The following NWD1 variants were observed in gnomAD, a reference collection of about 807,000 sequenced individuals.
NWD1 encodes NACHT domain- and WD repeat-containing protein 1.
In NWD1, 129 loss-of-function variants were observed where a neutral mutation model predicts 135.1. That is an observed-to-expected ratio of 0.96 (90% confidence interval 0.83 to 1.11). NWD1 has a LOEUF of 1.11. Ranked by LOEUF, NWD1 falls within the 50% of genes least tolerant of loss-of-function variation. The pLI is 0.00. For missense variants in NWD1, 1,740 were observed against 1,851.3 expected (o/e 0.94, Z 1.10); for synonymous variants, 773 against 786.0 (o/e 0.98, Z 0.28).
At chr19:16,772,582 G>GT (rs1259417469) in intron 10 of NWD1, among the ~76,000 whole-genome samples, 1 of 152,122 alleles carries the variant, frequency 6.6e-6, no homozygotes, top group Non-Finnish European at 1.5e-5. Context: ...GGAGGTGCAG[G>GT]TTGCAGTGAG....
At chr19:16,738,283 C>G (rs1022713090) in intron 4 of NWD1, 2 of 445,044 alleles carry the variant, frequency 4.5e-6, no homozygotes, top group African/African-American at 2.0e-5. Flanking sequence ...AAGAAAAGTA[C>G]CATGGCCAGG....
Position 16,744,569 on chromosome 19 carries a change from C to G in NWD1, c.347C>G (p.Pro116Arg). 1 of 1,535,380 alleles carries G rather than the reference C, an allele frequency of 6.5e-7. No individual in the cohort carries two copies. The highest frequency in any genetic ancestry group is 8.7e-7 in the Non-Finnish European group (1 of 1,146,492). ...TTCCAGAGGGACGAGAATGCGTTTC[C>G]TCCCACCTACGTCCTGCAGGCACCA... ...RYFQRDENAF[P>R]PTYVLQAPGT... The change falls in exon 5 of 19, where the codon CCT (proline) becomes CGT (arginine). Residue 116 changes from proline to arginine, a missense_variant. Coordinates refer to ENST00000524140, the MANE Select transcript of NWD1 (RefSeq NM_001007525.5).
In NWD1 at chr19:16,785,694, T is replaced by C. The variant is rs1007010861; in HGVS notation, c.2732-3288T>C. On this transcript the variant is annotated intron_variant, in intron 12 of 18. Coordinates refer to ENST00000524140, the MANE Select transcript of NWD1 (RefSeq NM_001007525.5). The stretch of plus-strand genomic sequence containing the variant: ...TATGTATATATTTATGCTTTATGTA[T>C]GTAAAACATAATATATATGTGTGAA... Among the ~76,000 whole-genome samples the C allele has an allele frequency of 2.0e-5, 3 of 149,244 alleles. No homozygotes were observed. The Admixed American group carries it at 2.0e-4, about 10-fold the overall frequency.
chr19:16,734,164 C>T (rs1422370618), intron 3 of NWD1, among the ~76,000 whole-genome samples: 2 of 152,152 alleles, frequency 1.3e-5, no homozygotes, highest in African/African-American at 4.8e-5. Flanking sequence ...AAACTAAACA[C>T]CCTCCTTTGC....
At chr19:16,808,248 G>A in intron 18 of NWD1, 112 bp downstream of exon 18, 1 of 1,029,990 alleles carries the variant, frequency 9.7e-7, no homozygotes. Context: ...TGGGACTGGG[G>A]TGATGAAAAT....
At chr19:16,768,655 A>G (rs1383834779) in intron 10 of NWD1, among the ~76,000 whole-genome samples, 1 of 152,214 alleles carries the variant, frequency 6.6e-6, no homozygotes, top group African/African-American at 2.4e-5. Context: ...CATGCACAGA[A>G]GTTTCACAGA....
At chr19:16,813,080 C>A (rs1296754464) in intron 18 of NWD1, among the ~76,000 whole-genome samples, 1 of 152,210 alleles carries the variant, frequency 6.6e-6, no homozygotes, top group East Asian at 1.9e-4. Flanking sequence ...CATGCACAGG[C>A]TTCCTGCATA....
rs201592521 is a variant in NWD1, at chr19:16,794,371, C to CA, written c.3214-84dup. 9.8e-3 allele frequency: 7,257 copies of CA among 737,086 alleles called. 80 individuals are homozygous for CA. Among genetic ancestry groups the CA allele is most frequent in the South Asian group, 0.021 (1,205 of 56,556 alleles). The allele number at this position is 737,086 out of a possible 1,614,324, so 45.7% of individuals were successfully genotyped here. ...ACAGAGTGAGACTCCATCTCAAAAA[C>CA]AAAAAAAATAAAAATTAAAAAATTA... On this transcript the variant is annotated intron_variant, in intron 14 of 18. Coordinates refer to ENST00000524140, the MANE Select transcript of NWD1 (RefSeq NM_001007525.5).
At chr19:16,809,467 G>A (rs1175509436) in intron 18 of NWD1, among the ~76,000 whole-genome samples, 5 of 151,458 alleles carry the variant, frequency 3.3e-5, no homozygotes, top group Admixed American at 1.3e-4. Flanking sequence ...GGTAAAAACT[G>A]GATCAAATCC....
intron 3 of NWD1, among the ~76,000 whole-genome samples, chr19:16,734,546 A>AG (rs1362685362): frequency 6.7e-6 from 1 of 148,450 alleles, no homozygotes; most frequent in East Asian, 1.9e-4. Flanking sequence ...AAAAAAAAAA[A>AG]AAGATTTTCT....
intron 2 of NWD1, among the ~76,000 whole-genome samples, chr19:16,730,858 A>G (rs1390504206): frequency 6.6e-6 from 1 of 152,006 alleles, no homozygotes; most frequent in Non-Finnish European, 1.5e-5. Flanking sequence ...AGGAGACTCC[A>G]CAAAATAAAT....
chr19:16,730,734 A>T (rs1032069511), intron 2 of NWD1, among the ~76,000 whole-genome samples: 5 of 151,928 alleles, frequency 3.3e-5, no homozygotes, highest in African/African-American at 4.8e-5. Context: ...CATTTTTTTA[A>T]AAATATATAC....
At chr19:16,805,845 G>C (rs974384138) in intron 17 of NWD1, among the ~76,000 whole-genome samples, 1 of 151,990 alleles carries the variant, frequency 6.6e-6, no homozygotes, top group Non-Finnish European at 1.5e-5. Flanking sequence ...CATTAACAAG[G>C]AGTTTCTTTT....
intron 17 of NWD1, among the ~76,000 whole-genome samples, 167 bp from the exon 18 acceptor site, chr19:16,807,419 G>C (rs1970782110): frequency 6.6e-6 from 1 of 152,106 alleles, no homozygotes; most frequent in Non-Finnish European, 1.5e-5. Context: ...CTTGAATCCA[G>C]GAGGTGGAGG....
At chr19:16,805,837 T>C (rs1970730600) in intron 17 of NWD1, among the ~76,000 whole-genome samples, 1 of 152,178 alleles carries the variant, frequency 6.6e-6, no homozygotes, top group Non-Finnish European at 1.5e-5. Context: ...TATTTCATCA[T>C]TAACAAGGAG....
At chr19:16,786,180 A>G (rs529255982) in intron 12 of NWD1, among the ~76,000 whole-genome samples, 161 of 137,788 alleles carry the variant, frequency 1.2e-3, no homozygotes, top group African/African-American at 5.0e-3. Flanking sequence ...TATTATTTTT[A>G]CTTTTTTTTT....
At chr19:16,798,774 C>T (rs1046878311) in intron 16 of NWD1, among the ~76,000 whole-genome samples, 2 of 151,778 alleles carry the variant, frequency 1.3e-5, no homozygotes, top group African/African-American at 4.8e-5. Context: ...TTTCAGGCAC[C>T]CACCACCATG....
rs1247325501 is a variant in NWD1, at chr19:16,720,077, A to C, written c.-321A>C. ...GACACTGCAAAGGGCCTCTGTCCTT[A>C]CTGGGGAAGCCCAGTCCTGCTCAGC... On this transcript the variant is annotated 5_prime_UTR_variant, in exon 1 of 19. Coordinates refer to ENST00000524140, the MANE Select transcript of NWD1 (RefSeq NM_001007525.5). 1 of 152,238 alleles carries C rather than the reference A, an allele frequency of 6.6e-6. No homozygotes were observed. Among genetic ancestry groups the C allele is most frequent in the Non-Finnish European group, 1.5e-5 (1 of 68,056 alleles). The allele number at this position is 152,238 out of a possible 1,614,324, so 9.4% of individuals were successfully genotyped here. A position where few individuals can be genotyped will look rare whatever the true frequency, so the allele number is the denominator to read the frequency against.
Position 16,807,965 on chromosome 19 carries a change from TC to T in NWD1, c.4117del (p.Leu1373PhefsTer54), listed in dbSNP as rs1489354558. On this transcript the variant is annotated frameshift_variant, in exon 18 of 19. Coordinates refer to ENST00000524140, the MANE Select transcript of NWD1 (RefSeq NM_001007525.5). LOFTEE classifies it high-confidence loss of function. ...VYSMTNGDLF[L>X]YECATSKAFP... ...ACAGCATGACCAATGGGGACCTCTT[TC>T]TTTACGAGTGTGCAACTTCCAAAGC... 6.2e-7 allele frequency: 1 copy of T among 1,614,144 alleles called. No individual in the cohort carries two copies. The highest frequency in any genetic ancestry group is 2.2e-5 in the East Asian group (1 of 44,886).
Sources: gnomAD v4.1 joint callset for allele counts (sites outside exome capture counted in the v4.1 genomes callset) on GRCh38, gnomAD v4.1.1 for gene constraint, MANE v1.5 for transcripts, NCBI Gene and HGNC (gene_info 2026-07-23, HGNC 2026-07-21) for gene names.